The following VWA3B variants were observed in gnomAD, a reference collection of about 807,000 sequenced individuals.
VWA3B encodes the protein von Willebrand factor A domain containing 3B.
VWA3B carries 138 observed loss-of-function variants against 158.3 expected under a neutral mutation model. That is an observed-to-expected ratio of 0.87 (90% CI 0.76 to 1.00). VWA3B has a LOEUF of 1.00. Among genes scored for constraint, VWA3B ranks in the 50% least tolerant of loss-of-function variants. VWA3B has a pLI of 0.00. For synonymous variants in VWA3B, 596 were observed against 587.3 expected, an observed-to-expected ratio of 1.01 and a Z score of -0.21; for missense variants, 1,555 against 1,565.1, an observed-to-expected ratio of 0.99 and a Z score of 0.11.
chr2:98,225,501 G>T (rs1210465518), intron 14 of VWA3B, among the ~76,000 whole-genome samples: 1 of 152,132 alleles, frequency 6.6e-6, no homozygotes, highest in African/African-American at 2.4e-5. Flanking sequence ...ATACTTAGTA[G>T]TGAAAGGCTG....
chr2:98,314,909 G>T (rs114057612), downstream of VWA3B, among the ~76,000 whole-genome samples: 1,085 of 151,666 alleles, frequency 7.2e-3, 11 homozygotes, highest in African/African-American at 0.025. Context: ...TGTAATCCCA[G>T]TTACTTGGGA....
At chr2:98,239,548 T>G (rs1274163798) in intron 19 of VWA3B, among the ~76,000 whole-genome samples, 1 of 151,688 alleles carries the variant, frequency 6.6e-6, no homozygotes, top group East Asian at 1.9e-4. Flanking sequence ...TTTAAATTTA[T>G]GTAGCTTTTA....
intron 26 of VWA3B, among the ~76,000 whole-genome samples, chr2:98,310,632 A>G (rs1054572120): frequency 1.3e-5 from 2 of 152,180 alleles, no homozygotes; most frequent in African/African-American, 4.8e-5. Context: ...GGGTAACCTG[A>G]TGGATAAGAT....
At chr2:98,179,953 T>C (rs1168435297) in intron 8 of VWA3B, among the ~76,000 whole-genome samples, 3 of 141,820 alleles carry the variant, frequency 2.1e-5, no homozygotes, top group Non-Finnish European at 4.6e-5. Context: ...CTTTCTCTCT[T>C]TCTCTTTCTT....
rs139101341 is a variant in VWA3B at position 98,232,390 on chromosome 2, G to A, written c.2308+2183G>A. Among the ~76,000 whole-genome samples the A allele has an allele frequency of 6.5e-3, 982 of 152,148 alleles. 6 individuals are homozygous for A. Among genetic ancestry groups the A allele is most frequent in the African/African-American group, 0.023 (937 of 41,524 alleles). ...TTGCCTTTTTTCTATCTAGCTAGAG[G>A]CTTTCTTGCTTTTCTTTCTATTTGT... On this transcript the variant is annotated intron_variant, in intron 16 of 27. Transcript: ENST00000477737.
At chr2:98,310,281 T>C (rs1486695449) in intron 26 of VWA3B, among the ~76,000 whole-genome samples, 2 of 152,172 alleles carry the variant, frequency 1.3e-5, no homozygotes, top group Admixed American at 6.5e-5. Flanking sequence ...AAGCTGCCAA[T>C]GCTTTATTCA....
intron 13 of VWA3B, among the ~76,000 whole-genome samples, chr2:98,215,979 C>T (rs1683955125): frequency 6.6e-6 from 1 of 152,094 alleles, no homozygotes; most frequent in African/African-American, 2.4e-5. Context: ...ATGTACCACT[C>T]AATTTCCATT....
chr2:98,146,672 T>G (rs1478333770), intron 7 of VWA3B, among the ~76,000 whole-genome samples: 1 of 152,232 alleles, frequency 6.6e-6, no homozygotes, highest in Non-Finnish European at 1.5e-5. Flanking sequence ...TCTTCTGCAT[T>G]GCTTCTGTCC....
the VWA3B span, among the ~76,000 whole-genome samples, chr2:98,318,791 C>A: frequency 6.6e-6 from 1 of 152,176 alleles, no homozygotes; most frequent in African/African-American, 2.4e-5. Context: ...CCAAAAAAGA[C>A]ATAATATATA....
intron 22 of VWA3B, among the ~76,000 whole-genome samples, chr2:98,271,980 C>T (rs1558749238): frequency 1.3e-5 from 2 of 152,218 alleles, no homozygotes; most frequent in African/African-American, 2.4e-5. Flanking sequence ...CCGGTGCTCT[C>T]GCACCACAAC....
chr2:98,259,582 G>A (rs151299376), intron 21 of VWA3B, among the ~76,000 whole-genome samples: 1 of 151,620 alleles, frequency 6.6e-6, no homozygotes, highest in Admixed American at 6.6e-5. Flanking sequence ...AGCTGAATTA[G>A]TAATGTGCCT....
At chr2:98,126,182 A>C (rs1675336418) in intron 5 of VWA3B, among the ~76,000 whole-genome samples, 1 of 152,222 alleles carries the variant, frequency 6.6e-6, no homozygotes, top group Non-Finnish European at 1.5e-5. Context: ...AAGGAAAATA[A>C]ATCCTGACTC....
intron 2 of VWA3B, among the ~76,000 whole-genome samples, chr2:98,102,117 C>T (rs1237489117): frequency 6.7e-6 from 1 of 148,578 alleles, no homozygotes; most frequent in African/African-American, 2.5e-5. Context: ...TAACAAAGCA[C>T]ATCTTGCACT....
chr2:98,203,744 C>T (rs760551436), intron 12 of VWA3B, among the ~76,000 whole-genome samples: 8 of 152,150 alleles, frequency 5.3e-5, no homozygotes, highest in Non-Finnish European at 1.0e-4. Context: ...TGTGTAGAAA[C>T]GCAGTTGGTT....
the VWA3B span, among the ~76,000 whole-genome samples, chr2:98,326,150 A>T: frequency 6.6e-6 from 1 of 152,220 alleles, no homozygotes; most frequent in African/African-American, 2.4e-5. Flanking sequence ...TTTGAAATAA[A>T]CAAACAACAT....
intron 7 of VWA3B, among the ~76,000 whole-genome samples, chr2:98,161,393 G>A (rs1278326231): frequency 6.6e-6 from 1 of 152,204 alleles, no homozygotes; most frequent in Non-Finnish European, 1.5e-5. Flanking sequence ...GGGCCTTCTG[G>A]GCAGGGTGCC....
In VWA3B at chr2:98,187,997, A is replaced by C; in HGVS notation, c.1334A>C (p.His445Pro). 1.2e-6 allele frequency: 2 copies of C among 1,613,650 alleles called. No individual in the cohort carries two copies. The highest frequency in any genetic ancestry group is 1.7e-6 in the Non-Finnish European group (2 of 1,179,818). The change falls in exon 10 of 28, where the codon CAT becomes CCT. Residue 445 changes from histidine (H) to proline (P), a missense_variant. Transcript: ENST00000477737. The stretch of plus-strand genomic sequence containing the variant: ...TAGGAGACGAACAAGAAGACAGTCC[A>C]TGCAAAATATTGCAGCAGGTTTGTC... ...TSAETNKKTV[H>P]AKYCSRFVHA...
At chr2:98,153,274 G>A (rs1343067431) in intron 7 of VWA3B, among the ~76,000 whole-genome samples, 1 of 152,212 alleles carries the variant, frequency 6.6e-6, no homozygotes, top group East Asian at 1.9e-4. Flanking sequence ...AATAGCAAAA[G>A]GTAATGTTTT....
intron 2 of VWA3B, among the ~76,000 whole-genome samples, chr2:98,095,824 A>C (rs1289061607): frequency 6.6e-6 from 1 of 152,196 alleles, no homozygotes; most frequent in Non-Finnish European, 1.5e-5. Context: ...AGTTTTTATT[A>C]TGAAGAGATA....
Sources: allele counts gnomAD v4.1 joint callset (sites outside exome capture counted in the v4.1 genomes callset), GRCh38; gene constraint gnomAD v4.1.1; transcripts MANE v1.5; gene names NCBI Gene and HGNC (gene_info 2026-07-23, HGNC 2026-07-21).